The following SOX6 variants were observed in gnomAD, a reference collection of about 807,000 sequenced individuals.
The protein encoded by SOX6 is SRY-box transcription factor 6.
A neutral mutation model predicts 97.8 loss-of-function variants in SOX6; 11 were observed. The ratio of observed to expected loss-of-function variants is 0.11; its 90% CI spans 0.07 to 0.19. SOX6 has a LOEUF of 0.19. Among genes scored for constraint, SOX6 ranks in the 10% least tolerant of loss-of-function variants. SOX6 has a pLI of 1.00. For synonymous variants in SOX6, 360 were observed against 371.4 expected, an observed-to-expected ratio of 0.97 and a Z score of 0.35; for missense variants, 810 against 1,039.5, an observed-to-expected ratio of 0.78 and a Z score of 3.04.
At position 16,392,000 on chromosome 11, in the gene SOX6, T is replaced by C. The variant is rs540872234; in HGVS notation, c.-4-50748A>G. 1.6e-4 allele frequency among the ~76,000 whole-genome samples: 25 copies of C among 152,132 alleles called. 1 individual carries two copies. The South Asian group carries it at 3.5e-3, about 21-fold the overall frequency. ...TAGCAATACAACAATGGTACATATATAGTACAAAATATTATGTAGAAGGAA... is the reference window on the plus strand; with the variant it reads ...TAGCAATACAACAATGGTACATATACAGTACAAAATATTATGTAGAAGGAA... On this transcript the variant is annotated intron_variant, in intron 1 of 15. Transcript: ENST00000396356.
chr11:16,255,464 C>T (rs987859098), intron 3 of SOX6, among the ~76,000 whole-genome samples: 2 of 151,944 alleles, frequency 1.3e-5, no homozygotes, highest in African/African-American at 4.8e-5. Context: ...TGGAATAACC[C>T]AAAATACATG....
intron 3 of SOX6, among the ~76,000 whole-genome samples, chr11:16,706,469 AAAATATAT>A (rs1848134953): frequency 3.7e-5 from 1 of 27,016 alleles, no homozygotes; most frequent in Non-Finnish European, 6.6e-5. Context: ...AAAAAAAAAA[AAAATATAT>A]ATATATATAT....
intron 4 of SOX6, among the ~76,000 whole-genome samples, chr11:16,580,081 G>T (rs1002931251): frequency 6.6e-6 from 1 of 152,060 alleles, no homozygotes; most frequent in Non-Finnish European, 1.5e-5. Flanking sequence ...CTTAAGGTGT[G>T]GTTACAGCCA....
chr11:16,397,935 T>C (rs1275683922), intron 1 of SOX6, among the ~76,000 whole-genome samples: 1 of 151,586 alleles, frequency 6.6e-6, no homozygotes, highest in Non-Finnish European at 1.5e-5. Flanking sequence ...AAGACATACA[T>C]TTTTCTCTTA....
chr11:16,736,789 A>T (rs1848394498), intron 1 of SOX6, among the ~76,000 whole-genome samples: 1 of 152,208 alleles, frequency 6.6e-6, no homozygotes, highest in Non-Finnish European at 1.5e-5. Flanking sequence ...AAATATTTTA[A>T]TTCTAGCAAA....
At chr11:16,178,898 T>C (rs1455104) in intron 6 of SOX6, among the ~76,000 whole-genome samples, 82,768 of 151,598 alleles carry the variant, frequency 0.55, 22,981 homozygotes, top group East Asian at 0.75. Context: ...TGTTGGGTGC[T>C]CCAGCCATTT....
chr11:16,039,214 C>T (rs1818573369), intron 12 of SOX6, among the ~76,000 whole-genome samples: 4 of 152,172 alleles, frequency 2.6e-5, no homozygotes, highest in African/African-American at 9.6e-5. Context: ...TGTTTTACTG[C>T]ACGTATCACT....
chr11:16,055,953 AGTTTC>A, intron 9 of SOX6, 52 bp from the exon 10 acceptor site: 1 of 1,599,000 alleles, frequency 6.3e-7, no homozygotes, highest in South Asian at 1.1e-5. Context: ...GCTGAAATTG[AGTTTC>A]AAAAGAAAAA....
intron 1 of SOX6, among the ~76,000 whole-genome samples, chr11:16,397,954 G>A (rs548598184): frequency 4.3e-4 from 65 of 151,604 alleles, no homozygotes; most frequent in Middle Eastern, 3.4e-3. Context: ...TAGTAAAAAG[G>A]TCTGACTTTC....
At chr11:16,563,487 T>C (rs1847837473) in intron 4 of SOX6, among the ~76,000 whole-genome samples, 1 of 151,974 alleles carries the variant, frequency 6.6e-6, no homozygotes, top group Non-Finnish European at 1.5e-5. Flanking sequence ...AGAAGCTCAA[T>C]AGAAGGGCTC....
At chr11:16,630,074 G>A (rs902372170) in intron 3 of SOX6, among the ~76,000 whole-genome samples, 3 of 151,470 alleles carry the variant, frequency 2.0e-5, no homozygotes, top group African/African-American at 7.3e-5. Context: ...TGGATTTTTG[G>A]GTCTCAATTT....
chr11:16,477,774 C>T (rs750103564), upstream of SOX6, among the ~76,000 whole-genome samples: 3 of 152,116 alleles, frequency 2.0e-5, no homozygotes, highest in Non-Finnish European at 4.4e-5. Flanking sequence ...AGCTAACATA[C>T]CCATTAGACT....
chr11:16,497,726 GATGAAATGA>G (rs201361099), intron 4 of SOX6, among the ~76,000 whole-genome samples: 23,215 of 152,070 alleles, frequency 0.15, 1,811 homozygotes, highest in Non-Finnish European at 0.17. Context: ...AGTGATGGAA[GATGAAATGA>G]ATGAAATGAA....
At chr11:16,571,510 G>A (rs946153831) in intron 4 of SOX6, among the ~76,000 whole-genome samples, 1 of 152,136 alleles carries the variant, frequency 6.6e-6, no homozygotes, top group Admixed American at 6.5e-5. Flanking sequence ...AGCATACTAC[G>A]ACCTGGAACT....
chr11:16,010,125 T>TACACACAC lies in SOX6; in HGVS notation c.1732+4809_1732+4816dup, dbSNP rs67556517. 4.2e-3 allele frequency among the ~76,000 whole-genome samples: 574 copies of TACACACAC among 135,550 alleles called. 4 individuals carry two copies. The highest frequency in any genetic ancestry group is 7.0e-3 in the African/African-American group (244 of 35,102). The allele number at this position is 135,550 out of a possible 152,430, so 88.9% of individuals were successfully genotyped here. The stretch of plus-strand genomic sequence containing the variant: ...TATAAAACTTAGAAGCAGTTGGAGC[T>TACACACAC]ACACACACACACACACACACACACA... On this transcript the variant is annotated intron_variant, in intron 13 of 15. Transcript: ENST00000683767.
At chr11:15,990,315 A>G (rs1473769599) in intron 13 of SOX6, among the ~76,000 whole-genome samples, 2 of 152,074 alleles carry the variant, frequency 1.3e-5, no homozygotes, top group Admixed American at 1.3e-4. Context: ...TCATAGACTA[A>G]GAGGCATTTA....
chr11:16,457,970 G>A (rs2133103098), intron 1 of SOX6, among the ~76,000 whole-genome samples: 1 of 151,928 alleles, frequency 6.6e-6, no homozygotes. Flanking sequence ...ACCTTCACAG[G>A]AACTTGATGG....
At chr11:16,356,967 C>A (rs1369330075), upstream of SOX6, among the ~76,000 whole-genome samples, 1 of 151,976 alleles carries the variant, frequency 6.6e-6, no homozygotes, top group East Asian at 1.9e-4. Flanking sequence ...TAAGAGAAGT[C>A]TGAAAGACAA....
chr11:16,712,335 T>C lies in SOX6; in HGVS notation n.429+2495A>G, dbSNP rs145575699. Among the ~76,000 whole-genome samples, 473 of 152,334 alleles carry C rather than the reference T, an allele frequency of 3.1e-3. 4 individuals are homozygous for C. The highest frequency in any genetic ancestry group is 0.011 in the African/African-American group (446 of 41,574). On this transcript the variant is annotated intron_variant and non_coding_transcript_variant, in intron 3 of 5. Transcript: ENST00000524520. Reference sequence around the variant, plus strand: ...TAAGGAATCTCCACACCATTTTCCATAGTGGCTGTACTAGTTTTACATTCC... The same window carrying C: ...TAAGGAATCTCCACACCATTTTCCACAGTGGCTGTACTAGTTTTACATTCC...
Sources: gnomAD v4.1 joint callset for allele counts (sites outside exome capture counted in the v4.1 genomes callset) on GRCh38, gnomAD v4.1.1 for gene constraint, MANE v1.5 for transcripts, NCBI Gene and HGNC (gene_info 2026-07-23, HGNC 2026-07-21) for gene names.